Variants in MEDAG observed in about 807,000 individuals in gnomAD.
MEDAG encodes the protein mesenteric estrogen dependent adipogenesis.
Under a neutral mutation model 29.9 loss-of-function variants are expected in MEDAG, and 25 were observed. The ratio of observed to expected loss-of-function variants is 0.84; its 90% CI spans 0.61 to 1.17. MEDAG has a LOEUF of 1.17. Ranked by LOEUF, MEDAG falls within the 50% of genes most tolerant of loss-of-function variation. The pLI, the probability that MEDAG is intolerant of heterozygous loss-of-function variation, is 0.00. For missense variants in MEDAG, 398 were observed against 372.9 expected (o/e 1.07, Z -0.56); for synonymous variants, 158 against 148.2 (o/e 1.07, Z -0.48).
chr13:30,910,781 G>A (rs182543770), intron 1 of MEDAG, among the ~76,000 whole-genome samples: 1 of 152,332 alleles, frequency 6.6e-6, no homozygotes, highest in East Asian at 1.9e-4. Flanking sequence ...ACTCATAGGG[G>A]TAAAATGAGG....
At chr13:30,920,119 A>C (rs1952968611) in intron 2 of MEDAG, among the ~76,000 whole-genome samples, 1 of 152,180 alleles carries the variant, frequency 6.6e-6, no homozygotes, top group South Asian at 2.1e-4. Flanking sequence ...GCCTTGGTCC[A>C]TAGAACCCTA....
chr13:30,924,328 T>C lies in MEDAG; in HGVS notation c.805T>C (p.Phe269Leu), dbSNP rs757561985. 13 of 1,613,830 alleles carry C rather than the reference T, an allele frequency of 8.1e-6. No homozygotes were observed. The highest frequency in any genetic ancestry group is 4.2e-6 in the Non-Finnish European group (5 of 1,179,910). The change falls in exon 5 of 5, where the codon TTT becomes CTT. Residue 269 changes from phenylalanine (F) to leucine (L), a missense_variant. Coordinates refer to ENST00000380482, the MANE Select transcript of MEDAG (RefSeq NM_032849.4). ...TTTTTTAGGTTCAATAGATGATGTT[T>C]TTAACTGCAATCTGTCACCCAGATC... ...VTSRGSIDDVFNCNLSPRSSL... is the reference protein window; with the variant it reads ...VTSRGSIDDVLNCNLSPRSSL...
At chr13:30,921,895 G>A (rs1481498560) in intron 4 of MEDAG, 49 bp downstream of exon 4, 1 of 1,525,434 alleles carries the variant, frequency 6.6e-7, no homozygotes, top group East Asian at 2.3e-5. Flanking sequence ...AAATAAAAGG[G>A]TAGAGTAAAA....
At chr13:30,917,183 A>G (rs117606024) in intron 1 of MEDAG, among the ~76,000 whole-genome samples, 1,817 of 152,246 alleles carry the variant, frequency 0.012, 17 homozygotes, top group Non-Finnish European at 0.019. Context: ...TGATGCCAGG[A>G]CACCCCTAGG....
intron 1 of MEDAG, among the ~76,000 whole-genome samples, chr13:30,915,586 G>A (rs1016515061): frequency 3.3e-5 from 5 of 151,954 alleles, no homozygotes; most frequent in Non-Finnish European, 7.4e-5. Flanking sequence ...GTAACTTTTG[G>A]CAGTTGGTCA....
chr13:30,924,178 T>A, intron 4 of MEDAG, 133 bp from the exon 5 acceptor site: 1 of 929,264 alleles, frequency 1.1e-6, no homozygotes, highest in Non-Finnish European at 1.6e-6. Context: ...TTTAGCCTTT[T>A]GAATTTTTCT....
chr13:30,921,547 CCT>C lies in MEDAG; in HGVS notation c.502-7_502-6del. The C allele has an allele frequency of 6.3e-7, 1 of 1,589,478 alleles. No individual in the cohort carries two copies. Among genetic ancestry groups the C allele is most frequent in the Non-Finnish European group, 8.5e-7 (1 of 1,170,642 alleles). The stretch of plus-strand genomic sequence containing the variant: ...ATGTCCATTAAGTCAATGCAATGTT[CCT>C]CTCTCTTTCAGTTTGATTTTCAAGA... On this transcript the variant is annotated splice_polypyrimidine_tract_variant and intron_variant, in intron 3 of 4. Coordinates refer to ENST00000380482, the MANE Select transcript of MEDAG (RefSeq NM_032849.4).
chr13:30,907,775 C>T (rs1952843956), intron 1 of MEDAG, among the ~76,000 whole-genome samples: 1 of 152,242 alleles, frequency 6.6e-6, no homozygotes, highest in Non-Finnish European at 1.5e-5. Context: ...CTGGGAAAGA[C>T]AGCGTGCTGT....
chr13:30,908,590 C>T (rs1213443407), intron 1 of MEDAG, among the ~76,000 whole-genome samples: 2 of 152,028 alleles, frequency 1.3e-5, no homozygotes, highest in Non-Finnish European at 2.9e-5. Context: ...GGGAGGTATG[C>T]CGAAGCCAGA....
At position 30,906,436 on chromosome 13, in the gene MEDAG, C is replaced by T. The variant is rs1044350570; in HGVS notation, c.-80C>T. The stretch of plus-strand genomic sequence containing the variant: ...CTGACGCAGGCAGGGCGCCCGGCCC[C>T]TCCTGGGGACCATCAGGTGCCGGCT... On this transcript the variant is annotated 5_prime_UTR_variant, in exon 1 of 5. Coordinates refer to ENST00000380482, the MANE Select transcript of MEDAG (RefSeq NM_032849.4). 3.7e-6 allele frequency: 5 copies of T among 1,368,464 alleles called. No homozygotes were observed. The allele number at this position is 1,368,464 out of a possible 1,614,324, so 84.8% of individuals were successfully genotyped here. A position where few individuals can be genotyped will look rare whatever the true frequency, so the allele number is the denominator to read the frequency against.
chr13:30,924,660 A>G lies in MEDAG; in HGVS notation c.*225A>G, dbSNP rs1035847362. 2 of 416,582 alleles carry G rather than the reference A, an allele frequency of 4.8e-6. No individual in the cohort carries two copies. The allele number at this position is 416,582 out of a possible 1,614,324, so 25.8% of individuals were successfully genotyped here. ...AAAACTTATGATTACCAGGATGGAAAGGCCTTGGTCCCATGGCACTGGGTG... is the reference window on the plus strand; with the variant it reads ...AAAACTTATGATTACCAGGATGGAAGGGCCTTGGTCCCATGGCACTGGGTG... On this transcript the variant is annotated 3_prime_UTR_variant, in exon 5 of 5. Coordinates refer to ENST00000380482, the MANE Select transcript of MEDAG (RefSeq NM_032849.4).
Position 30,906,702 on chromosome 13 carries a change from C to T in MEDAG, c.187C>T (p.Pro63Ser). ...DQLVVARPGEPAAARGGFNVF... is the reference protein window; with the variant it reads ...DQLVVARPGESAAARGGFNVF... ...GCTCGTGGTGGCCAGGCCCGGGGAG[C>T]CGGCGGCGGCGCGGGGGGGCTTCAA... is the stretch of plus-strand genomic sequence containing the variant. Residue 63 changes from proline (P) to serine (S), a missense_variant, in exon 1 of 5, where the codon CCG (proline) becomes TCG (serine). Coordinates refer to ENST00000380482, the MANE Select transcript of MEDAG (RefSeq NM_032849.4). 3 of 1,520,594 alleles carry T rather than the reference C, an allele frequency of 2.0e-6. No individual in the cohort carries two copies. Among genetic ancestry groups the T allele is most frequent in the South Asian group, 1.2e-5 (1 of 80,430 alleles). The allele number at this position is 1,520,594 out of a possible 1,614,324, so 94.2% of individuals were successfully genotyped here.
At chr13:30,919,910 A>T (rs906461142) in intron 2 of MEDAG, among the ~76,000 whole-genome samples, 1 of 152,202 alleles carries the variant, frequency 6.6e-6, no homozygotes, top group African/African-American at 2.4e-5. Flanking sequence ...ATATTTCCTA[A>T]TGAGTAAACA....
At chr13:30,916,162 G>A (rs911419427) in intron 1 of MEDAG, 4 of 152,288 alleles carry the variant, frequency 2.6e-5, no homozygotes, top group Admixed American at 6.5e-5. Context: ...ACAGCCGAGC[G>A]GAAGCCGTGT....
At position 30,921,578 on chromosome 13, in the gene MEDAG, A is replaced by G. The variant is rs1252580730; in HGVS notation, c.519A>G (p.Ala173=). ...TCTTTCAGTTTGATTTTCAAGAGGC[A>G]GTGAAGAATTTCTTCCCCCCAGGAA... ...SYRLQFDFQE[A]VKNFFPPGNE... The change falls in exon 4 of 5, where the codon GCA becomes GCG. Residue 173 remains alanine (A), a synonymous_variant. Coordinates refer to ENST00000380482, the MANE Select transcript of MEDAG (RefSeq NM_032849.4). 7 of 1,606,808 alleles carry G rather than the reference A, an allele frequency of 4.4e-6. No individual in the cohort carries two copies. Among genetic ancestry groups the G allele is most frequent in the Non-Finnish European group, 5.9e-6 (7 of 1,177,636 alleles).
Position 30,906,758 on chromosome 13 carries a change from C to CG in MEDAG, c.246dup (p.Gln83AlafsTer20). 1 of 1,509,930 alleles carries CG rather than the reference C, an allele frequency of 6.6e-7. No individual in the cohort carries two copies. The highest frequency in any genetic ancestry group is 8.8e-7 in the Non-Finnish European group (1 of 1,139,034). 93.5% of individuals were successfully genotyped at this position (1,509,930 alleles called of 1,614,324 possible). On this transcript the variant is annotated frameshift_variant, in exon 1 of 5. Transcript: ENST00000380482. LOFTEE classifies it high-confidence loss of function. ...TCGGTGACGGCCTCGTGCGCCTCGA[C>CG]GGGCAGCTCTACCGCCTCAGCAGCT...
At chr13:30,910,420 T>A (rs1436914961) in intron 1 of MEDAG, among the ~76,000 whole-genome samples, 2 of 152,254 alleles carry the variant, frequency 1.3e-5, no homozygotes, top group Non-Finnish European at 2.9e-5. Context: ...CATAAAAGTT[T>A]ACAAAGTTTG....
At position 30,906,390 on chromosome 13, in the gene MEDAG, C is replaced by T; in HGVS notation, c.-126C>T. 1 of 1,059,424 alleles carries T rather than the reference C, an allele frequency of 9.4e-7. No individual in the cohort carries two copies. The highest frequency in any genetic ancestry group is 1.2e-6 in the Non-Finnish European group (1 of 806,586). The allele number at this position is 1,059,424 out of a possible 1,614,324, so 65.6% of individuals were successfully genotyped here. ...TCCCGGCCAGGCGGGCAGACCGACC[C>T]CCTCCTCACCTCGCGCGCGGCTGAC... On this transcript the variant is annotated 5_prime_UTR_variant, in exon 1 of 5. Coordinates refer to ENST00000380482, the MANE Select transcript of MEDAG (RefSeq NM_032849.4).
chr13:30,921,195 ACTGAGGCC>A, intron 3 of MEDAG, 69 bp downstream of exon 3: 1 of 1,332,496 alleles, frequency 7.5e-7, no homozygotes, highest in Non-Finnish European at 1.1e-6. Context: ...TCATGCAGGA[ACTGAGGCC>A]CTATTGCCCT....
Sources: gnomAD v4.1 joint callset for allele counts (sites outside exome capture counted in the v4.1 genomes callset) on GRCh38, gnomAD v4.1.1 for gene constraint, MANE v1.5 for transcripts, NCBI Gene and HGNC (gene_info 2026-07-23, HGNC 2026-07-21) for gene names.